Variants in CYP2C19 observed in about 807,000 individuals in gnomAD.
The protein encoded by CYP2C19 is cytochrome P450 2C19.
A neutral mutation model predicts 40.9 loss-of-function variants in CYP2C19; 59 were observed. The ratio of observed to expected loss-of-function variants is 1.44; its 90% CI spans 1.17 to 1.79. The LOEUF is 1.79. CYP2C19 is among the 40% of genes most tolerant of loss of function. The pLI is 0.00. For missense variants in CYP2C19, 754 were observed against 596.9 expected, an observed-to-expected ratio of 1.26 and a Z score of -2.74; for synonymous variants, 253 against 208.7, an observed-to-expected ratio of 1.21 and a Z score of -1.83.
chr10:94,802,577 A>T (rs1848781999), intron 5 of CYP2C19, among the ~76,000 whole-genome samples: 1 of 152,106 alleles, frequency 6.6e-6, no homozygotes, highest in Admixed American at 6.6e-5. Flanking sequence ...TATTTAGCCC[A>T]CTTACATTTA....
At chr10:94,815,861 C>A (rs1589364964) in intron 5 of CYP2C19, among the ~76,000 whole-genome samples, 1 of 152,142 alleles carries the variant, frequency 6.6e-6, no homozygotes, top group South Asian at 2.1e-4. Flanking sequence ...AATCTGCAGG[C>A]AATATTGAGT....
chr10:94,797,943 TC>T (rs1848711166), intron 5 of CYP2C19, among the ~76,000 whole-genome samples: 1 of 152,114 alleles, frequency 6.6e-6, no homozygotes, highest in South Asian at 2.1e-4. Context: ...AAATATCAGC[TC>T]CTGGATTCAT....
At chr10:94,812,018 G>T (rs1468044103) in intron 5 of CYP2C19, among the ~76,000 whole-genome samples, 1 of 152,110 alleles carries the variant, frequency 6.6e-6, no homozygotes, top group African/African-American at 2.4e-5. Flanking sequence ...GTTCCCAGTT[G>T]ATCCTTTCCA....
intron 6 of CYP2C19, among the ~76,000 whole-genome samples, chr10:94,822,629 T>A (rs2134270278): frequency 6.6e-6 from 1 of 152,304 alleles, no homozygotes; most frequent in African/African-American, 2.4e-5. Flanking sequence ...CTATTTTAAT[T>A]TCTTTCAGAA....
intron 5 of CYP2C19, among the ~76,000 whole-genome samples, chr10:94,785,765 G>C (rs527774950): frequency 1.3e-5 from 2 of 152,076 alleles, no homozygotes; most frequent in Admixed American, 1.3e-4. Flanking sequence ...AAGCCTGCCC[G>C]GTGAATGCTG....
At chr10:94,845,912 A>T (rs1266934536) in intron 7 of CYP2C19, among the ~76,000 whole-genome samples, 2 of 152,044 alleles carry the variant, frequency 1.3e-5, no homozygotes, top group Admixed American at 6.6e-5. Flanking sequence ...TACATATGGC[A>T]GTGTGTATAT....
At chr10:94,775,883 C>G (rs1848401315) in intron 3 of CYP2C19, 1 of 336,506 alleles carries the variant, frequency 3.0e-6, no homozygotes, top group South Asian at 3.2e-5. Flanking sequence ...TATTCCAGAA[C>G]ATGTCACCAG....
rs921999868 is a variant in CYP2C19 at position 94,834,199 on chromosome 10, T to C, written c.962-8638T>C. Among the ~76,000 whole-genome samples, 4 of 152,252 alleles carry C rather than the reference T, an allele frequency of 2.6e-5. No individual in the cohort carries two copies. In the East Asian group the frequency reaches 7.7e-4, roughly 29 times the overall value. Reference sequence around the variant, plus strand: ...TGGTACTGGTCATTGCATGTTCAGGTTTTGGATTTCTTCCTGGTTCAATCT... The same window carrying C: ...TGGTACTGGTCATTGCATGTTCAGGCTTTGGATTTCTTCCTGGTTCAATCT... On this transcript the variant is annotated intron_variant, in intron 6 of 8. Coordinates refer to ENST00000371321, the MANE Select transcript of CYP2C19 (RefSeq NM_000769.4).
At chr10:94,839,391 C>T (rs908320441) in intron 6 of CYP2C19, among the ~76,000 whole-genome samples, 1 of 151,858 alleles carries the variant, frequency 6.6e-6, no homozygotes, top group East Asian at 1.9e-4. Flanking sequence ...AACTGTTTTT[C>T]CTGCCTTTCT....
intron 4 of CYP2C19, among the ~76,000 whole-genome samples, chr10:94,780,887 A>G (rs543558613): frequency 1.3e-5 from 2 of 152,274 alleles, no homozygotes; most frequent in Admixed American, 1.3e-4. Flanking sequence ...CTCCCTGATC[A>G]GTGTTTTTTC....
intron 5 of CYP2C19, among the ~76,000 whole-genome samples, chr10:94,793,066 T>C (rs188512540): frequency 1.3e-5 from 2 of 152,174 alleles, no homozygotes; most frequent in Non-Finnish European, 2.9e-5. Flanking sequence ...TTTACTCTTT[T>C]TTCTCTAAAC....
At chr10:94,806,582 C>T (rs1288127643) in intron 5 of CYP2C19, among the ~76,000 whole-genome samples, 1 of 149,054 alleles carries the variant, frequency 6.7e-6, no homozygotes, top group Non-Finnish European at 1.5e-5. Flanking sequence ...GTTTTCTTAG[C>T]CTTTATTTAT....
intron 3 of CYP2C19, 70 bp from the exon 4 acceptor site, chr10:94,780,429 C>T (rs1848464323): frequency 6.4e-6 from 10 of 1,570,282 alleles, no homozygotes; most frequent in South Asian, 1.2e-5. Flanking sequence ...CTATTATTAT[C>T]TGTTAACAAA....
intron 5 of CYP2C19, among the ~76,000 whole-genome samples, chr10:94,782,878 A>G (rs1848497292): frequency 6.6e-6 from 1 of 152,166 alleles, no homozygotes; most frequent in Non-Finnish European, 1.5e-5. Context: ...CAAACACCGT[A>G]TGTTCTCACT....
At chr10:94,824,989 T>C (rs1589368883) in intron 6 of CYP2C19, among the ~76,000 whole-genome samples, 2 of 141,606 alleles carry the variant, frequency 1.4e-5, no homozygotes, top group African/African-American at 5.3e-5. Context: ...CATGAACTCA[T>C]CATTTTTTAT....
intron 7 of CYP2C19, among the ~76,000 whole-genome samples, chr10:94,844,084 T>C (rs1160712493): frequency 6.6e-6 from 1 of 151,426 alleles, no homozygotes. Flanking sequence ...TTTTCAAGAT[T>C]TTTGATATCA....
At chr10:94,834,970 T>C (rs559466110) in intron 6 of CYP2C19, among the ~76,000 whole-genome samples, 1 of 152,190 alleles carries the variant, frequency 6.6e-6, no homozygotes, top group South Asian at 2.1e-4. Context: ...TCCTGCTGAA[T>C]TGGGGTGTAG....
chr10:94,774,369 A>G (rs1359193619), intron 1 of CYP2C19: 1 of 152,200 alleles, frequency 6.6e-6, no homozygotes, highest in Non-Finnish European at 1.5e-5. Context: ...GCTTGTTATG[A>G]TTATTCCTCA....
In CYP2C19 at chr10:94,840,691, A is replaced by C. The variant is rs1421348827; in HGVS notation, c.962-2146A>C. Among the ~76,000 whole-genome samples, 5 of 152,170 alleles carry C rather than the reference A, an allele frequency of 3.3e-5. No individual in the cohort carries two copies. In the East Asian group the frequency reaches 9.6e-4, roughly 29 times the overall value. On this transcript the variant is annotated intron_variant, in intron 6 of 8. Transcript: ENST00000371321. Reference sequence around the variant, plus strand: ...AGTAGAGACTTCTGGCTGCGCCATGATCTCAACCGGCTACTGCCAGGAGTT... The same window carrying C: ...AGTAGAGACTTCTGGCTGCGCCATGCTCTCAACCGGCTACTGCCAGGAGTT...
Sources: allele counts gnomAD v4.1 joint callset (sites outside exome capture counted in the v4.1 genomes callset), GRCh38; gene constraint gnomAD v4.1.1; transcripts MANE v1.5; gene names NCBI Gene and HGNC (gene_info 2026-07-23, HGNC 2026-07-21).